Variants in FEZF1 observed in about 807,000 individuals in gnomAD.
FEZF1 encodes fez family zinc finger protein 1.
In FEZF1, 8 loss-of-function variants were observed where a neutral mutation model predicts 32.4. The ratio of observed to expected loss-of-function variants is 0.25; its 90% confidence interval spans 0.15 to 0.45. FEZF1 has a LOEUF of 0.45. Among genes scored for constraint, FEZF1 ranks in the 20% least tolerant of loss-of-function variants. The probability of loss-of-function intolerance (pLI) is 1.00; values close to 1 mark genes in which losing one functional copy is unlikely to be tolerated. For missense variants in FEZF1, 546 were observed against 622.3 expected, an observed-to-expected ratio of 0.88 and a Z score of 1.31; for synonymous variants, 259 against 265.2, an observed-to-expected ratio of 0.98 and a Z score of 0.23.
At position 122,301,710 on chromosome 7, in the gene FEZF1, G is replaced by C; in HGVS notation, c.*287C>G. The C allele has an allele frequency of 5.3e-6, 2 of 377,146 alleles. No individual in the cohort carries two copies. Among genetic ancestry groups the C allele is most frequent in the Non-Finnish European group, 9.3e-6 (2 of 215,636 alleles). 23.4% of individuals were successfully genotyped at this position (377,146 alleles called of 1,614,324 possible). A position where few individuals can be genotyped will look rare whatever the true frequency, so the allele number is the denominator to read the frequency against. ...TAAACACCATCTCTCCACCCAAGAT[G>C]AAAAGTCTTTCCAAATTAAAAAAAA... On this transcript the variant is annotated 3_prime_UTR_variant, in exon 4 of 4. Coordinates refer to ENST00000442488, the MANE Select transcript of FEZF1 (RefSeq NM_001024613.4).
upstream of FEZF1, chr7:122,306,933 G>GT (rs2031299401): frequency 6.6e-6 from 1 of 152,210 alleles, no homozygotes; most frequent in Non-Finnish European, 1.5e-5. Context: ...CTTGGCCCGG[G>GT]TGCACCTACT....
Position 122,302,390 on chromosome 7 carries a change from A to G in FEZF1, c.1070-35T>C, listed in dbSNP as rs750501961. On this transcript the variant is annotated intron_variant, in intron 3 of 3. Transcript: ENST00000442488. The surrounding 1 kb of genome is among the most constrained non-coding windows in gnomAD (Gnocchi z 4.4). Reference sequence around the variant, plus strand: ...ACAAATGACAGGAATATGGTTCTGAAAAAAAAAATAGCTTAAAAAGGGAGG... The same window carrying G: ...ACAAATGACAGGAATATGGTTCTGAGAAAAAAAATAGCTTAAAAAGGGAGG... 6.3e-7 allele frequency: 1 copy of G among 1,578,510 alleles called. No homozygotes were observed. The highest frequency in any genetic ancestry group is 1.1e-5 in the South Asian group (1 of 89,220).
At chr7:122,306,171 A>G (rs1172239927), upstream of FEZF1, 1 of 152,656 alleles carries the variant, frequency 6.6e-6, no homozygotes, top group Non-Finnish European at 1.5e-5. Flanking sequence ...TGAGGAGGCC[A>G]AAGGAGCGCG....
rs1391212359 is a variant in FEZF1 at position 122,302,772 on chromosome 7, A to G, written c.1069+27T>C. 3 of 1,460,248 alleles carry G rather than the reference A, an allele frequency of 2.1e-6. No homozygotes were observed. The highest frequency in any genetic ancestry group is 2.5e-5 in the East Asian group (1 of 39,678). 90.5% of individuals were successfully genotyped at this position (1,460,248 alleles called of 1,614,324 possible). A position where few individuals can be genotyped will look rare whatever the true frequency, so the allele number is the denominator to read the frequency against. On this transcript the variant is annotated intron_variant, in intron 3 of 3. Coordinates refer to ENST00000442488, the MANE Select transcript of FEZF1 (RefSeq NM_001024613.4). The surrounding 1 kb of genome is among the most constrained non-coding windows in gnomAD (Gnocchi z 4.4). ...AGTATGGCTTTTCATAAGACTAACC[A>G]TGAGAGACATTTCCTGGTTTGCATA... is the stretch of plus-strand genomic sequence containing the variant.
At chr7:122,307,185 TGGGGCAAA>T (rs2031307382), upstream of FEZF1, 1 of 152,072 alleles carries the variant, frequency 6.6e-6, no homozygotes, top group African/African-American at 2.4e-5. Context: ...AGGGCTTTGC[TGGGGCAAA>T]GGGGGGTGGG....
intron 1 of FEZF1, 117 bp downstream of exon 1, chr7:122,303,520 A>AGGAGGGAGGGAGGGAG (rs1402966335): frequency 1.0e-5 from 5 of 500,104 alleles, no homozygotes; most frequent in Admixed American, 3.7e-5. Flanking sequence ...GAAGGAAGGA[A>AGGAGGGAGGGAGGGAG]GGAAGGAAGG....
chr7:122,308,616 C>G (rs2031344715), upstream of FEZF1: 2 of 152,038 alleles, frequency 1.3e-5, no homozygotes, highest in Admixed American at 1.3e-4. Context: ...ATCTCTTATT[C>G]CTTGATATGT....
At chr7:122,308,826 G>A (rs184692675), upstream of FEZF1, among the ~76,000 whole-genome samples, 497 of 152,266 alleles carry the variant, frequency 3.3e-3, 1 homozygote, top group Non-Finnish European at 5.7e-3. Flanking sequence ...AGCTAAGGGA[G>A]GAGAGACGAA....
rs556444210 is a variant in FEZF1, at chr7:122,302,086, G to A, written c.1339C>T (p.Gln447Ter). The change falls in exon 4 of 4, where the codon CAG becomes TAG. Residue 447 changes from glutamine to a stop codon, truncating the protein, a stop_gained. Coordinates refer to ENST00000442488, the MANE Select transcript of FEZF1 (RefSeq NM_001024613.4). LOFTEE classifies it high-confidence loss of function. The surrounding 1 kb of genome is among the most constrained non-coding windows in gnomAD (Gnocchi z 4.4). The stretch of plus-strand genomic sequence containing the variant: ...GGAGGCAGCGTCATCGGCGGCTGCT[G>A]CGGTAGCGGGGGCGGCGGTTCAGTG... ...PGTEPPPPLP[Q>*]QPPMTLPPLQ... 1 of 1,609,598 alleles carries A rather than the reference G, an allele frequency of 6.2e-7. No individual in the cohort carries two copies. The highest frequency in any genetic ancestry group is 8.5e-7 in the Non-Finnish European group (1 of 1,178,944).
At chr7:122,306,686 T>A (rs2031290694), upstream of FEZF1, 1 of 151,892 alleles carries the variant, frequency 6.6e-6, no homozygotes. Flanking sequence ...GCTCACAGGC[T>A]GAAGAAATGG....
In FEZF1 at chr7:122,302,433, T is replaced by A; in HGVS notation, c.1070-78A>T. On this transcript the variant is annotated intron_variant, in intron 3 of 3. Coordinates refer to ENST00000442488, the MANE Select transcript of FEZF1 (RefSeq NM_001024613.4). This position sits in a 1 kb window ranked among gnomAD's most constrained non-coding sequence, Gnocchi z 4.4. Reference sequence around the variant, plus strand: ...AAGGGAGGAGCAGACACGTGGAAGGTAGCGCCAGGCAAGCAGAAGAGCCGC... The same window carrying A: ...AAGGGAGGAGCAGACACGTGGAAGGAAGCGCCAGGCAAGCAGAAGAGCCGC... The A allele has an allele frequency of 6.3e-7, 1 of 1,579,192 alleles. No homozygotes were observed. The highest frequency in any genetic ancestry group is 8.6e-7 in the Non-Finnish European group (1 of 1,167,788).
In FEZF1 at chr7:122,304,569, C is replaced by T. The variant is rs1584961878; in HGVS notation, c.-132G>A. The T allele has an allele frequency of 1.5e-6, 1 of 654,588 alleles. No individual in the cohort carries two copies. Among genetic ancestry groups the T allele is most frequent in the East Asian group, 3.1e-5 (1 of 32,304 alleles). 40.5% of individuals were successfully genotyped at this position (654,588 alleles called of 1,614,324 possible). ...AGTAGCCTCCTCCTCCTCCTCCTCCCCAGCATCACCAGCCGAACCTGCCTG... is the reference window on the plus strand; with the variant it reads ...AGTAGCCTCCTCCTCCTCCTCCTCCTCAGCATCACCAGCCGAACCTGCCTG... On this transcript the variant is annotated 5_prime_UTR_variant, in exon 1 of 4. Transcript: ENST00000442488.
Position 122,303,676 on chromosome 7 carries a change from A to C in FEZF1, c.762T>G (p.Asn254Lys). 1.2e-6 allele frequency: 2 copies of C among 1,614,132 alleles called. No individual in the cohort carries two copies. Among genetic ancestry groups the C allele is most frequent in the Non-Finnish European group, 1.7e-6 (2 of 1,180,024 alleles). Residue 254 changes from asparagine (N) to lysine (K), a missense_variant, in exon 1 of 4, where the codon AAT becomes AAG. This residue lies in a region of FEZF1 where 345 missense variants were observed against 360.6 expected (regional missense o/e 0.96). Transcript: ENST00000442488. ...CGCAAGTGAAAACTTTGGGCTTGGC[A>C]TTAGGAGAGCCTCGGCTGAAATCCG... ...KTSDFSRGSP[N>K]AKPKVFTCEV...
Position 122,304,699 on chromosome 7 carries a change from A to C in FEZF1, c.-262T>G. Reference sequence around the variant, plus strand: ...TATCAATAGAAAGTGTTGTGTCAATAACGCAGCCAAGATCTCGCCAATCGT... The same window carrying C: ...TATCAATAGAAAGTGTTGTGTCAATCACGCAGCCAAGATCTCGCCAATCGT... On this transcript the variant is annotated 5_prime_UTR_variant, in exon 1 of 4. Coordinates refer to ENST00000442488, the MANE Select transcript of FEZF1 (RefSeq NM_001024613.4). 1 of 410,156 alleles carries C rather than the reference A, an allele frequency of 2.4e-6. No homozygotes were observed. The highest frequency in any genetic ancestry group is 4.5e-6 in the Non-Finnish European group (1 of 223,974). 25.4% of individuals were successfully genotyped at this position (410,156 alleles called of 1,614,324 possible).
chr7:122,303,182 T>A lies in FEZF1; in HGVS notation c.931A>T (p.Thr311Ser). Residue 311 changes from threonine to serine, a missense_variant, in exon 2 of 4, where the codon ACG becomes TCG. Thr to Ser is a moderately conservative substitution (Grantham distance 58). This residue lies in a region of FEZF1 where 118 missense variants were observed against 188.7 expected (regional missense o/e 0.63). Coordinates refer to ENST00000442488, the MANE Select transcript of FEZF1 (RefSeq NM_001024613.4). ...STLCRHKIIHTQEKPHKCNQC... is the reference protein window; with the variant it reads ...STLCRHKIIHSQEKPHKCNQC... Reference sequence around the variant, plus strand: ...ATTGAGACAGATGAACACACCTGCGTGTGAATGATCTTGTGCCTGCACAGG... The same window carrying A: ...ATTGAGACAGATGAACACACCTGCGAGTGAATGATCTTGTGCCTGCACAGG... 6.2e-7 allele frequency: 1 copy of A among 1,614,176 alleles called. No homozygotes were observed. Among genetic ancestry groups the A allele is most frequent in the Non-Finnish European group, 8.5e-7 (1 of 1,180,036 alleles).
Position 122,302,111 on chromosome 7 carries a change from G to T in FEZF1, c.1314C>A (p.Gly438=), listed in dbSNP as rs774771948. The change falls in exon 4 of 4, where the codon GGC becomes GGA. Residue 438 remains glycine, a synonymous_variant. Transcript: ENST00000442488. The surrounding 1 kb of genome is among the most constrained non-coding windows in gnomAD (Gnocchi z 4.4). The stretch of plus-strand genomic sequence containing the variant: ...GCGGTAGCGGGGGCGGCGGTTCAGT[G>T]CCTGGTTCGCCAGCTGGCGTGCGGG... ...GLARTPAGEP[G]TEPPPPLPQQ... 5 of 1,613,416 alleles carry T rather than the reference G, an allele frequency of 3.1e-6. No individual in the cohort carries two copies. Among genetic ancestry groups the T allele is most frequent in the Admixed American group, 1.7e-5 (1 of 60,022 alleles).
chr7:122,310,275 G>C (rs1270971143), exon 1 of FEZF1: 1 of 127,158 alleles, frequency 7.9e-6, no homozygotes, highest in Non-Finnish European at 1.7e-5. Flanking sequence ...TTATCGCCAC[G>C]GCCTTGGCGC....
Position 122,304,115 on chromosome 7 carries a change from G to T in FEZF1, c.323C>A (p.Ala108Glu). 6.3e-7 allele frequency: 1 copy of T among 1,591,278 alleles called. No homozygotes were observed. Among genetic ancestry groups the T allele is most frequent in the Non-Finnish European group, 8.6e-7 (1 of 1,168,178 alleles). Residue 108 changes from alanine to glutamate, a missense_variant, in exon 1 of 4, where the codon GCG becomes GAG. By Grantham distance (107) the Ala-to-Glu change is moderately radical (BLOSUM62 -1). Transcript: ENST00000442488. ...ASLEAPAAPA[A>E]VPSAPAFSCS... ...GCTGAATGCGGGAGCCGAGGGCACC[G>T]CCGCGGGCGCCGCCGGGGCCTCCAG... is the stretch of plus-strand genomic sequence containing the variant.
rs770468080 is a variant in FEZF1, at chr7:122,302,294, G to A, written c.1131C>T (p.Cys377=). 1 of 1,614,168 alleles carries A rather than the reference G, an allele frequency of 6.2e-7. No homozygotes were observed. The highest frequency in any genetic ancestry group is 1.7e-5 in the Admixed American group (1 of 60,032). ...SGEKQFKCNI[C]NKAFHQVYNL... is the part of the protein sequence containing the mutation. ...TGTAAACCTGGTGGAAAGCCTTGTTGCAGATATTGCACTTGAACTGCTTCT... is the reference window on the plus strand; with the variant it reads ...TGTAAACCTGGTGGAAAGCCTTGTTACAGATATTGCACTTGAACTGCTTCT... The change falls in exon 4 of 4, where the codon TGC becomes TGT. Residue 377 remains cysteine, a synonymous_variant. Coordinates refer to ENST00000442488, the MANE Select transcript of FEZF1 (RefSeq NM_001024613.4). This position sits in a 1 kb window ranked among gnomAD's most constrained non-coding sequence, Gnocchi z 4.4.
Sources: allele counts gnomAD v4.1 joint callset (sites outside exome capture counted in the v4.1 genomes callset), GRCh38; gene constraint gnomAD v4.1.1; regional missense constraint gnomAD v4.1.1; non-coding constraint Gnocchi (gnomAD v3.1); transcripts MANE v1.5; gene names NCBI Gene and HGNC (gene_info 2026-07-23, HGNC 2026-07-21).